Variants in C6 observed in about 807,000 individuals in gnomAD.
C6 encodes the protein complement C6.
C6 carries 101 observed loss-of-function variants against 112.9 expected under a neutral mutation model. The ratio of observed to expected loss-of-function variants is 0.89; its 90% CI spans 0.76 to 1.06. C6 has a LOEUF of 1.06. Among genes scored for constraint, C6 ranks in the 50% least tolerant of loss-of-function variants. C6 has a pLI of 0.00. For missense variants in C6, 1,202 were observed against 1,104.6 expected (o/e 1.09, Z -1.25); for synonymous variants, 431 against 384.1 (o/e 1.12, Z -1.43).
intron 1 of C6, among the ~76,000 whole-genome samples, chr5:41,208,430 G>T (rs984474752): frequency 6.6e-6 from 1 of 152,032 alleles, no homozygotes; most frequent in Non-Finnish European, 1.5e-5. Flanking sequence ...ATGAATCCAG[G>T]AGCTGGTTTT....
chr5:41,165,667 T>C (rs1468574564), intron 9 of C6, among the ~76,000 whole-genome samples: 1 of 152,192 alleles, frequency 6.6e-6, no homozygotes, highest in African/African-American at 2.4e-5. Context: ...AAAATAATTA[T>C]AGCAGACATG....
At chr5:41,256,066 A>G (rs1484418662) in intron 1 of C6, among the ~76,000 whole-genome samples, 1 of 152,120 alleles carries the variant, frequency 6.6e-6, no homozygotes, top group Admixed American at 6.6e-5. Flanking sequence ...GCGATAGTTT[A>G]CTGAGAATGA....
chr5:41,250,012 G>A (rs1313184711), intron 1 of C6, among the ~76,000 whole-genome samples: 1 of 152,188 alleles, frequency 6.6e-6, no homozygotes, highest in East Asian at 1.9e-4. Context: ...CTTTGGGTGG[G>A]TTTAGATTTG....
chr5:41,259,534 A>C (rs1206894052), intron 1 of C6, among the ~76,000 whole-genome samples: 1 of 138,492 alleles, frequency 7.2e-6, no homozygotes, highest in African/African-American at 2.7e-5. Context: ...AAAAAAAAAA[A>C]ATCTCTGTTT....
At chr5:41,222,001 C>T (rs1739201610) in intron 1 of C6, among the ~76,000 whole-genome samples, 1 of 151,776 alleles carries the variant, frequency 6.6e-6, no homozygotes, top group African/African-American at 2.4e-5. Context: ...CCTATCTCTA[C>T]TAAAAAATAC....
At chr5:41,220,701 C>T (rs1352214343) in intron 1 of C6, among the ~76,000 whole-genome samples, 6 of 151,910 alleles carry the variant, frequency 3.9e-5, no homozygotes, top group African/African-American at 9.7e-5. Context: ...TTCTTTGGAT[C>T]GCTAATTTTT....
chr5:41,216,547 A>C (rs1043005844), upstream of C6, among the ~76,000 whole-genome samples: 6 of 152,112 alleles, frequency 3.9e-5, no homozygotes, highest in Admixed American at 2.0e-4. Context: ...CAGACAGATA[A>C]TAGAAACATC....
At chr5:41,161,630 G>A (rs1747511251) in intron 10 of C6, 63 bp downstream of exon 10, 2 of 1,263,238 alleles carry the variant, frequency 1.6e-6, no homozygotes, top group East Asian at 4.6e-5. Context: ...ATTGTGTGAT[G>A]TGCAATTTGG....
At chr5:41,186,599 G>C (rs1021340163) in intron 5 of C6, among the ~76,000 whole-genome samples, 10 of 151,976 alleles carry the variant, frequency 6.6e-5, no homozygotes, top group African/African-American at 1.5e-4. Flanking sequence ...TTCTAATAGA[G>C]AGCTCATAAT....
rs368743713 is a variant in C6, at chr5:41,181,324, A to G, written c.927+35T>C. 54 of 1,575,820 alleles carry G rather than the reference A, an allele frequency of 3.4e-5. No individual in the cohort carries two copies. The African/African-American group carries it at 5.4e-4, about 16-fold the overall frequency. ...TTACTGGAATTACTGTTAATTTTCA[A>G]GAAAGAATAAAAGGTTGGAAACCAT... On this transcript the variant is annotated intron_variant, in intron 7 of 17. Coordinates refer to ENST00000337836, the MANE Select transcript of C6 (RefSeq NM_000065.5).
rs1199488832 is a variant in C6 at position 41,181,422 on chromosome 5, C to T, written c.864G>A (p.Lys288=). ...SFSVPIFYSS[K]RSENINHNSA... Reference sequence around the variant, plus strand: ...AATTATGGTTGATATTTTCACTTCTCTTTGAGGAATAAAAAATTGGTACAC... The same window carrying T: ...AATTATGGTTGATATTTTCACTTCTTTTTGAGGAATAAAAAATTGGTACAC... The change falls in exon 7 of 18, where the codon AAG becomes AAA. Residue 288 remains lysine, a synonymous_variant. Transcript: ENST00000337836. 3.1e-6 allele frequency: 5 copies of T among 1,613,716 alleles called. No individual in the cohort carries two copies. The East Asian group carries it at 1.1e-4, about 36-fold the overall frequency.
At chr5:41,223,072 A>G (rs767149273) in intron 1 of C6, among the ~76,000 whole-genome samples, 2 of 152,156 alleles carry the variant, frequency 1.3e-5, no homozygotes, top group Non-Finnish European at 2.9e-5. Context: ...TGTTATTGTG[A>G]GGGATAAATT....
At chr5:41,189,301 A>G (rs1452267172) in intron 5 of C6, among the ~76,000 whole-genome samples, 1 of 152,090 alleles carries the variant, frequency 6.6e-6, no homozygotes, top group Non-Finnish European at 1.5e-5. Flanking sequence ...TTGAAAATAT[A>G]TATCAATGCA....
chr5:41,152,861 G>A (rs1447393456), intron 15 of C6: 1 of 152,204 alleles, frequency 6.6e-6, no homozygotes, highest in Non-Finnish European at 1.5e-5. Context: ...ATCACTACAG[G>A]TTTGAAATTG....
At chr5:41,230,079 C>T (rs778297737) in intron 1 of C6, among the ~76,000 whole-genome samples, 1 of 152,146 alleles carries the variant, frequency 6.6e-6, no homozygotes, top group African/African-American at 2.4e-5. Flanking sequence ...TTTCTTATGT[C>T]TGTCTTTACT....
chr5:41,221,131 T>G (rs980574007), intron 1 of C6, among the ~76,000 whole-genome samples: 1 of 152,160 alleles, frequency 6.6e-6, no homozygotes, highest in African/African-American at 2.4e-5. Flanking sequence ...ACCAGTCACT[T>G]TAAAATTAGA....
Position 41,196,234 on chromosome 5 carries a change from A to T in C6, c.446-301T>A, listed in dbSNP as rs556239564. 2.7e-4 allele frequency among the ~76,000 whole-genome samples: 41 copies of T among 152,112 alleles called. No homozygotes were observed. In the South Asian group the frequency reaches 8.5e-3, roughly 32 times the overall value. Reference sequence around the variant, plus strand: ...ATAGAGATCATGTTCAGTAGGAGAAAATTAACAAGAGGTTCAGAATTTTGT... The same window carrying T: ...ATAGAGATCATGTTCAGTAGGAGAATATTAACAAGAGGTTCAGAATTTTGT... On this transcript the variant is annotated intron_variant, in intron 4 of 17. Coordinates refer to ENST00000337836, the MANE Select transcript of C6 (RefSeq NM_000065.5).
At chr5:41,192,281 C>G (rs1750275867) in intron 5 of C6, among the ~76,000 whole-genome samples, 2 of 152,032 alleles carry the variant, frequency 1.3e-5, no homozygotes, top group African/African-American at 4.8e-5. Context: ...CTCTGGGGTT[C>G]TGTTTGCTAG....
At chr5:41,165,003 C>T (rs539574470) in intron 9 of C6, among the ~76,000 whole-genome samples, 6 of 152,232 alleles carry the variant, frequency 3.9e-5, no homozygotes, top group African/African-American at 1.4e-4. Context: ...GTCATTATTC[C>T]ATCCCCAAAT....
Sources: allele counts gnomAD v4.1 joint callset (sites outside exome capture counted in the v4.1 genomes callset), GRCh38; gene constraint gnomAD v4.1.1; transcripts MANE v1.5; gene names NCBI Gene and HGNC (gene_info 2026-07-23, HGNC 2026-07-21).